The following CD86 variants were observed in gnomAD, a reference collection of about 807,000 sequenced individuals.
The protein encoded by CD86 is T-lymphocyte activation antigen CD86.
In CD86, 11 loss-of-function variants were observed where a neutral mutation model predicts 32.1. The ratio of observed to expected loss-of-function variants is 0.34; its 90% CI spans 0.22 to 0.57. The LOEUF is 0.57. Among genes scored for constraint, CD86 ranks in the 20% least tolerant of loss-of-function variants. The probability of loss-of-function intolerance (pLI) is 0.86; values close to 1 mark genes in which losing one functional copy is unlikely to be tolerated. For missense variants in CD86, 359 were observed against 398.4 expected (o/e 0.90, Z 0.84); for synonymous variants, 137 against 135.3 (o/e 1.01, Z -0.09).
intron 2 of CD86, among the ~76,000 whole-genome samples, chr3:122,101,537 T>TATATATAG (rs1553753652): frequency 7.2e-6 from 1 of 139,260 alleles, no homozygotes; most frequent in Non-Finnish European, 1.6e-5. Context: ...TATATATATA[T>TATATATAG]ATATGTAAAT....
chr3:122,074,308 A>T (rs1302212438), intron 1 of CD86, among the ~76,000 whole-genome samples: 1 of 151,404 alleles, frequency 6.6e-6, no homozygotes, highest in Non-Finnish European at 1.5e-5. Flanking sequence ...CTTCAAAAGC[A>T]CTCTCTTCCT....
At chr3:122,063,592 ATT>A (rs60822683) in intron 1 of CD86, among the ~76,000 whole-genome samples, 42 of 121,746 alleles carry the variant, frequency 3.4e-4, no homozygotes, top group African/African-American at 7.2e-4. Flanking sequence ...ACATAGAAAG[ATT>A]TTTTTTTTTT....
intron 2 of CD86, among the ~76,000 whole-genome samples, chr3:122,096,650 A>G (rs2072912988): frequency 6.6e-6 from 1 of 152,230 alleles, no homozygotes; most frequent in African/African-American, 2.4e-5. Context: ...AGGTACCATT[A>G]TTGTTCCTGC....
chr3:122,104,726 C>T (rs945641629), intron 3 of CD86, among the ~76,000 whole-genome samples: 8 of 152,148 alleles, frequency 5.3e-5, no homozygotes, highest in Non-Finnish European at 1.2e-4. Context: ...TGGCTTCTTT[C>T]GTTTAGCGCG....
chr3:122,092,738 G>A (rs13090103), intron 2 of CD86, among the ~76,000 whole-genome samples: 15,768 of 152,110 alleles, frequency 0.1, 862 homozygotes, highest in Non-Finnish European at 0.12. Context: ...GAGGTGAACT[G>A]AGCCTGAAGT....
chr3:122,117,959 G>A, intron 5 of CD86, 89 bp from the exon 6 acceptor site: 1 of 1,052,696 alleles, frequency 9.5e-7, no homozygotes. Context: ...TTCTCTCTCA[G>A]TCCCAGAACT....
chr3:122,090,656 G>A (rs547581193), intron 1 of CD86, among the ~76,000 whole-genome samples: 3 of 152,136 alleles, frequency 2.0e-5, no homozygotes, highest in Non-Finnish European at 2.9e-5. Flanking sequence ...GTGCCTGATC[G>A]CATCTAATGT....
chr3:122,066,667 G>A (rs573416382), intron 1 of CD86, among the ~76,000 whole-genome samples: 7 of 152,174 alleles, frequency 4.6e-5, no homozygotes, highest in South Asian at 2.1e-4. Flanking sequence ...AGCACAGTTC[G>A]TAGCTCATAG....
chr3:122,097,190 C>T lies in CD86; in HGVS notation c.64+5540C>T, dbSNP rs1157530795. Among the ~76,000 whole-genome samples the T allele has an allele frequency of 4.6e-5, 7 of 152,082 alleles. No individual in the cohort carries two copies. The East Asian group carries it at 1.3e-3, about 29-fold the overall frequency. On this transcript the variant is annotated intron_variant, in intron 2 of 6. Transcript: ENST00000330540. ...CTCACTGAGGTTTAAATTGCATTTC[C>T]CTAGTTATTCTTGAGATTTTTCCTT...
chr3:122,102,377 C>T (rs2073023128), intron 2 of CD86, among the ~76,000 whole-genome samples: 2 of 151,512 alleles, frequency 1.3e-5, no homozygotes, highest in South Asian at 2.1e-4. Flanking sequence ...CCACTCTCCA[C>T]CCCCGCACTT....
At chr3:122,070,618 A>T (rs544858396) in intron 1 of CD86, among the ~76,000 whole-genome samples, 36 of 152,310 alleles carry the variant, frequency 2.4e-4, no homozygotes, top group African/African-American at 8.4e-4. Context: ...AGAAACATGG[A>T]ACTGAAAGCT....
At position 122,097,924 on chromosome 3, in the gene CD86, G is replaced by A. The variant is rs532818263; in HGVS notation, c.65-5588G>A. Among the ~76,000 whole-genome samples the A allele has an allele frequency of 4.1e-4, 63 of 152,262 alleles. No individual in the cohort carries two copies. In the South Asian group the frequency reaches 0.013, roughly 31 times the overall value. On this transcript the variant is annotated intron_variant, in intron 2 of 6. Coordinates refer to ENST00000330540, the MANE Select transcript of CD86 (RefSeq NM_175862.5). ...CAGATAAAGAGACCTAAGAATGAGGGTGCCTGGGCTAAGATTGCAAGTATG... is the reference window on the plus strand; with the variant it reads ...CAGATAAAGAGACCTAAGAATGAGGATGCCTGGGCTAAGATTGCAAGTATG...
chr3:122,056,536 G>A (rs184807387), intron 1 of CD86, among the ~76,000 whole-genome samples: 6 of 152,202 alleles, frequency 3.9e-5, no homozygotes, highest in East Asian at 1.9e-4. Context: ...GGTCCACCAT[G>A]TTGGCCAGGA....
intron 1 of CD86, chr3:122,086,526 T>A: frequency 2.2e-6 from 1 of 453,150 alleles, no homozygotes; most frequent in South Asian, 1.6e-5. Context: ...TAGTCATATT[T>A]CCCCAGAGCT....
chr3:122,074,094 C>T (rs1002305886), intron 1 of CD86, among the ~76,000 whole-genome samples: 7 of 152,186 alleles, frequency 4.6e-5, no homozygotes, highest in Non-Finnish European at 7.3e-5. Flanking sequence ...CTGTGAAGTC[C>T]GGCAGCTCCC....
chr3:122,097,851 G>C (rs771871898), intron 2 of CD86, among the ~76,000 whole-genome samples: 1 of 152,314 alleles, frequency 6.6e-6, no homozygotes, highest in Middle Eastern at 3.4e-3. Context: ...TCTTCTCTAT[G>C]ATGAGGAGGC....
At chr3:122,069,895 C>T (rs1163367919) in intron 1 of CD86, among the ~76,000 whole-genome samples, 1 of 152,210 alleles carries the variant, frequency 6.6e-6, no homozygotes, top group East Asian at 1.9e-4. Context: ...GTCCATCCTT[C>T]TCATCTTCCT....
At chr3:122,098,027 C>G (rs1262875245) in intron 2 of CD86, among the ~76,000 whole-genome samples, 1 of 152,174 alleles carries the variant, frequency 6.6e-6, no homozygotes, top group African/African-American at 2.4e-5. Context: ...GACTGTGCAC[C>G]AAGTCTGCTG....
intron 1 of CD86, among the ~76,000 whole-genome samples, chr3:122,063,355 C>G (rs964776526): frequency 3.3e-5 from 5 of 151,914 alleles, no homozygotes; most frequent in Non-Finnish European, 7.4e-5. Context: ...ATAACAAGAG[C>G]TACGGAAACA....
Sources: allele counts gnomAD v4.1 joint callset (sites outside exome capture counted in the v4.1 genomes callset), GRCh38; gene constraint gnomAD v4.1.1; transcripts MANE v1.5; gene names NCBI Gene and HGNC (gene_info 2026-07-23, HGNC 2026-07-21).